Variants in MCTP2 observed in about 807,000 individuals in gnomAD.
MCTP2 encodes the protein multiple C2 and transmembrane domain-containing protein 2.
Under a neutral mutation model 111.6 loss-of-function variants are expected in MCTP2, and 132 were observed. The ratio of observed to expected loss-of-function variants is 1.18; its 90% CI spans 1.03 to 1.37. MCTP2 has a LOEUF of 1.37. Ranked by LOEUF, MCTP2 falls within the 40% of genes most tolerant of loss-of-function variation. The pLI is 0.00. For missense variants in MCTP2, 1,183 were observed against 1,067.9 expected, an observed-to-expected ratio of 1.11 and a Z score of -1.50; for synonymous variants, 395 against 387.7, an observed-to-expected ratio of 1.02 and a Z score of -0.22.
At chr15:94,405,011 A>G (rs185749683) in intron 17 of MCTP2, among the ~76,000 whole-genome samples, 22 of 152,358 alleles carry the variant, frequency 1.4e-4, no homozygotes, top group Non-Finnish European at 3.2e-4. Context: ...ATGACAGGGC[A>G]GAACAGAGGC....
chr15:94,301,194 G>A (rs2075592613), intron 2 of MCTP2, among the ~76,000 whole-genome samples: 1 of 152,168 alleles, frequency 6.6e-6, no homozygotes, highest in East Asian at 1.9e-4. Flanking sequence ...CTACCGTTCA[G>A]GGTTGAGGTT....
chr15:94,343,701 A>C (rs1246188650), intron 7 of MCTP2: 1 of 152,218 alleles, frequency 6.6e-6, no homozygotes, highest in African/African-American at 2.4e-5. Flanking sequence ...TCCTAGATCC[A>C]CCAGTGGTCT....
At chr15:94,303,106 T>C (rs1162762323) in intron 2 of MCTP2, among the ~76,000 whole-genome samples, 1 of 144,362 alleles carries the variant, frequency 6.9e-6, no homozygotes, top group African/African-American at 2.5e-5. Context: ...ATAGTTTATA[T>C]ATATATATAG....
At chr15:94,448,371 C>G (rs2084249440) in intron 19 of MCTP2, among the ~76,000 whole-genome samples, 1 of 152,146 alleles carries the variant, frequency 6.6e-6, no homozygotes, top group Non-Finnish European at 1.5e-5. Flanking sequence ...ATGCCAGACT[C>G]AATTAGATGA....
chr15:94,256,424 C>T (rs890023727), intron 1 of MCTP2, among the ~76,000 whole-genome samples: 7 of 152,122 alleles, frequency 4.6e-5, no homozygotes, highest in South Asian at 2.1e-4. Flanking sequence ...CACCCTCCTC[C>T]CCATGTCTGT....
At chr15:94,423,035 A>G (rs2082701582) in intron 17 of MCTP2, among the ~76,000 whole-genome samples, 1 of 152,160 alleles carries the variant, frequency 6.6e-6, no homozygotes, top group Non-Finnish European at 1.5e-5. Context: ...ATTGTTTAGC[A>G]TTGAGCCTAA....
chr15:94,391,863 G>C (rs1338525323), intron 14 of MCTP2, among the ~76,000 whole-genome samples: 1 of 152,118 alleles, frequency 6.6e-6, no homozygotes, highest in Admixed American at 6.5e-5. Context: ...TGAATCACAC[G>C]TGGTAGATGT....
intron 1 of MCTP2, among the ~76,000 whole-genome samples, chr15:94,292,196 G>T (rs761023092): frequency 6.6e-6 from 1 of 152,052 alleles, no homozygotes; most frequent in Non-Finnish European, 1.5e-5. Context: ...TAAACCTCTA[G>T]CACTATACTT....
intron 17 of MCTP2, among the ~76,000 whole-genome samples, chr15:94,427,937 A>G (rs2082974662): frequency 1.3e-5 from 2 of 152,186 alleles, no homozygotes; most frequent in South Asian, 2.1e-4. Context: ...TGCTAGCTTA[A>G]CAACAATAGT....
intron 12 of MCTP2, among the ~76,000 whole-genome samples, chr15:94,379,793 A>T: frequency 7.0e-6 from 1 of 143,152 alleles, no homozygotes; most frequent in East Asian, 1.9e-4. Flanking sequence ...ATTATATATG[A>T]TATGTAATAT....
intron 8 of MCTP2, among the ~76,000 whole-genome samples, chr15:94,346,630 T>C (rs1370324224): frequency 6.6e-6 from 1 of 152,166 alleles, no homozygotes; most frequent in African/African-American, 2.4e-5. Context: ...TGTACATCAA[T>C]AACCATCTTT....
intron 13 of MCTP2, among the ~76,000 whole-genome samples, chr15:94,384,958 A>T (rs2080372264): frequency 6.6e-6 from 1 of 152,180 alleles, no homozygotes; most frequent in Admixed American, 6.5e-5. Context: ...GTATATTTTT[A>T]GTATTTTGTG....
intron 14 of MCTP2, among the ~76,000 whole-genome samples, chr15:94,390,299 G>A (rs189774029): frequency 2.6e-5 from 4 of 151,812 alleles, no homozygotes; most frequent in Admixed American, 6.6e-5. Context: ...ATTGGAATGC[G>A]TTATAATCTG....
chr15:94,292,608 G>T (rs528682681), intron 1 of MCTP2, among the ~76,000 whole-genome samples: 1 of 152,106 alleles, frequency 6.6e-6, no homozygotes, highest in Non-Finnish European at 1.5e-5. Context: ...TGAAAGAAAT[G>T]AAGGAAGACC....
intron 1 of MCTP2, among the ~76,000 whole-genome samples, chr15:94,295,499 C>T (rs1243001374): frequency 6.6e-6 from 1 of 152,096 alleles, no homozygotes. Flanking sequence ...AGTGCTGCTT[C>T]TCTGGGCTAT....
chr15:94,354,261 TAAGAG>T (rs1341712383), intron 8 of MCTP2, among the ~76,000 whole-genome samples: 2 of 152,138 alleles, frequency 1.3e-5, no homozygotes, highest in African/African-American at 2.4e-5. Context: ...CTGTGTGTTT[TAAGAG>T]AAAAGTCACA....
intron 17 of MCTP2, among the ~76,000 whole-genome samples, chr15:94,420,924 G>GCAAGAGTCAATTGAT (rs1317065183): frequency 6.6e-6 from 1 of 152,138 alleles, no homozygotes; most frequent in African/African-American, 2.4e-5. Flanking sequence ...TTTTATGAAA[G>GCAAGAGTCAATTGAT]CAAGAGTCAA....
At chr15:94,418,310 G>T (rs947957934) in intron 17 of MCTP2, among the ~76,000 whole-genome samples, 1 of 152,078 alleles carries the variant, frequency 6.6e-6, no homozygotes. Context: ...GACACTTATC[G>T]ATACATTTAA....
intron 4 of MCTP2, among the ~76,000 whole-genome samples, chr15:94,334,840 A>G (rs944590521): frequency 2.6e-5 from 4 of 152,138 alleles, no homozygotes; most frequent in African/African-American, 7.2e-5. Flanking sequence ...GAGCCACTGT[A>G]TCCAGCCTGT....
Sources: gnomAD v4.1 joint callset for allele counts (sites outside exome capture counted in the v4.1 genomes callset) on GRCh38, gnomAD v4.1.1 for gene constraint, MANE v1.5 for transcripts, NCBI Gene and HGNC (gene_info 2026-07-23, HGNC 2026-07-21) for gene names.